DCHS2: variants seen among roughly 807,000 people sequenced by gnomAD.
The protein encoded by DCHS2 is dachsous cadherin-related 2.
A neutral mutation model predicts 182.4 loss-of-function variants in DCHS2; 142 were observed. The observed-to-expected ratio is 0.78, with a 90% CI of 0.68 to 0.89. DCHS2 has a LOEUF of 0.89. Ranked by LOEUF, DCHS2 falls within the 40% of genes least tolerant of loss-of-function variation. The pLI is 0.00. For missense variants in DCHS2, 4,319 were observed against 4,198.6 expected (o/e 1.03, Z -0.79); for synonymous variants, 1,740 against 1,663.3 (o/e 1.05, Z -1.12).
intron 3 of DCHS2, among the ~76,000 whole-genome samples, chr4:154,364,566 A>G (rs766090278): frequency 7.2e-5 from 11 of 152,194 alleles, no homozygotes; most frequent in Admixed American, 3.3e-4. Flanking sequence ...TCAGTGTATT[A>G]TTTTGAGCAA....
chr4:154,358,282 TG>T (rs1306602392), intron 3 of DCHS2, among the ~76,000 whole-genome samples: 7 of 152,214 alleles, frequency 4.6e-5, no homozygotes, highest in Admixed American at 3.3e-4. Flanking sequence ...TGAGCTATCC[TG>T]CAAGGTTGTG....
chr4:154,484,092 A>G (rs541466444), intron 1 of DCHS2, among the ~76,000 whole-genome samples: 8 of 152,180 alleles, frequency 5.3e-5, no homozygotes, highest in Admixed American at 4.6e-4. Flanking sequence ...TATTCTTCCC[A>G]CTAATCCAGA....
chr4:154,307,336 C>A (rs1432172189), intron 10 of DCHS2, among the ~76,000 whole-genome samples: 1 of 152,168 alleles, frequency 6.6e-6, no homozygotes, highest in Non-Finnish European at 1.5e-5. Flanking sequence ...CCTTATGACA[C>A]ATGCCCACTA....
intron 14 of DCHS2, among the ~76,000 whole-genome samples, chr4:154,263,189 C>T (rs1421017369): frequency 6.6e-6 from 1 of 151,982 alleles, no homozygotes; most frequent in East Asian, 1.9e-4. Flanking sequence ...AAAATACATA[C>T]ATTCAGAAAA....
intron 1 of DCHS2, among the ~76,000 whole-genome samples, chr4:154,447,006 T>C (rs1441764108): frequency 6.6e-6 from 1 of 151,800 alleles, no homozygotes; most frequent in African/African-American, 2.4e-5. Flanking sequence ...ACTAGGGAAA[T>C]CTGGGCCATG....
rs1424281692 is a variant in DCHS2, at chr4:154,490,798, G to A, written c.558C>T (p.Phe186=). Residue 186 remains phenylalanine, a synonymous_variant, in exon 1 of 20, where the codon TTC becomes TTT. Transcript: ENST00000357232. The part of the protein sequence containing the change: ...VSELSPPGTA[F]RLPVAHDPDA... ...CCGGATCGTGGGCAACTGGCAGGCG[G>A]AAGGCGGTCCCTGGCGGGCTGAGCT... The A allele has an allele frequency of 5.8e-6, 9 of 1,551,462 alleles. No homozygotes were observed. The African/African-American group carries it at 6.8e-5, about 12-fold the overall frequency.
At chr4:154,456,618 C>T (rs867702503) in intron 1 of DCHS2, among the ~76,000 whole-genome samples, 29 of 152,210 alleles carry the variant, frequency 1.9e-4, no homozygotes, top group Middle Eastern at 6.8e-3. Context: ...GAGGGAATTA[C>T]AGGCACAAAA....
At chr4:154,309,058 T>C (rs181415526) in intron 10 of DCHS2, among the ~76,000 whole-genome samples, 11 of 152,342 alleles carry the variant, frequency 7.2e-5, no homozygotes, top group African/African-American at 2.6e-4. Flanking sequence ...CCTCTTTTCA[T>C]GGACTTGCTC....
At position 154,235,468 on chromosome 4, in the gene DCHS2, C is replaced by T; in HGVS notation, c.9184G>A (p.Val3062Met). 4 of 1,614,052 alleles carry T rather than the reference C, an allele frequency of 2.5e-6. No homozygotes were observed. Among genetic ancestry groups the T allele is most frequent in the Non-Finnish European group, 3.4e-6 (4 of 1,179,960 alleles). The change falls in exon 20 of 20, where the codon GTG becomes ATG. Residue 3062 changes from valine (V) to methionine (M), a missense_variant. Val to Met is a conservative substitution (Grantham distance 21). Coordinates refer to ENST00000357232, the MANE Select transcript of DCHS2 (RefSeq NM_001358235.2). Reference sequence around the variant, plus strand: ...TCCGGAGTGGCATCCACAGGGACCACCTCGTTACTGCAGTCGTCAGTTTTC... The same window carrying T: ...TCCGGAGTGGCATCCACAGGGACCATCTCGTTACTGCAGTCGTCAGTTTTC... ...FQKTDDCSNE[V>M]VPVDATPEWL...
chr4:154,385,140 T>C (rs1474750023), intron 1 of DCHS2, among the ~76,000 whole-genome samples: 2 of 144,504 alleles, frequency 1.4e-5, no homozygotes, highest in Non-Finnish European at 1.5e-5. Flanking sequence ...GTTCTCATTG[T>C]TCAATTCCCA....
intron 3 of DCHS2, among the ~76,000 whole-genome samples, chr4:154,338,644 G>A (rs1405407444): frequency 1.3e-5 from 2 of 152,150 alleles, no homozygotes; most frequent in Non-Finnish European, 2.9e-5. Context: ...AATAAATCAA[G>A]AGGATGTCAT....
At chr4:154,289,005 C>G (rs975246453) in intron 13 of DCHS2, among the ~76,000 whole-genome samples, 2 of 151,894 alleles carry the variant, frequency 1.3e-5, no homozygotes, top group Admixed American at 1.3e-4. Flanking sequence ...TCTAACAATG[C>G]ATCTTAAAGA....
At position 154,366,442 on chromosome 4, in the gene DCHS2, C is replaced by T. The variant is rs1319256422; in HGVS notation, c.2245-1G>A. The T allele has an allele frequency of 6.2e-7, 1 of 1,607,304 alleles. No individual in the cohort carries two copies. The highest frequency in any genetic ancestry group is 8.5e-7 in the Non-Finnish European group (1 of 1,174,956). ...CAAAGGCTTGGGCACTTAGCCCACC[C>T]TGGTGGATGAATGAGTGGTGATTAC... On this transcript the variant is annotated splice_acceptor_variant, in intron 2 of 19. Transcript: ENST00000357232. LOFTEE classifies it high-confidence loss of function.
At chr4:154,439,719 G>A (rs1328354624) in intron 1 of DCHS2, among the ~76,000 whole-genome samples, 1 of 152,014 alleles carries the variant, frequency 6.6e-6, no homozygotes, top group African/African-American at 2.4e-5. Context: ...TTAAATCTGA[G>A]CTTTACAAAA....
chr4:154,236,926 G>T lies in DCHS2; in HGVS notation c.7726C>A (p.His2576Asn). 6.2e-7 allele frequency: 1 copy of T among 1,614,008 alleles called. No homozygotes were observed. Among genetic ancestry groups the T allele is most frequent in the Non-Finnish European group, 8.5e-7 (1 of 1,179,930 alleles). ...STLVTFSNID[H>N]DWTRENTYVE... ...TATGTGTTTTCACGGGTCCAGTCATGGTCGATGTTTGAAAATGTAACAAGC... is the reference window on the plus strand; with the variant it reads ...TATGTGTTTTCACGGGTCCAGTCATTGTCGATGTTTGAAAATGTAACAAGC... Residue 2576 changes from histidine (H) to asparagine (N), a missense_variant, in exon 20 of 20, where the codon CAT becomes AAT. His to Asn is a moderately conservative substitution (Grantham distance 68, BLOSUM62 1). Coordinates refer to ENST00000357232, the MANE Select transcript of DCHS2 (RefSeq NM_001358235.2).
intron 13 of DCHS2, among the ~76,000 whole-genome samples, chr4:154,296,836 C>T (rs897382050): frequency 6.6e-5 from 10 of 152,092 alleles, no homozygotes; most frequent in Admixed American, 4.6e-4. Flanking sequence ...TTCCGATAGG[C>T]ATCTATTTTT....
intron 1 of DCHS2, among the ~76,000 whole-genome samples, chr4:154,452,797 G>A (rs2110979942): frequency 6.6e-6 from 1 of 152,258 alleles, no homozygotes. Flanking sequence ...AGAAAAACAA[G>A]CAGTATTTGT....
chr4:154,338,592 A>G (rs1441785763), intron 3 of DCHS2, among the ~76,000 whole-genome samples: 3 of 152,206 alleles, frequency 2.0e-5, no homozygotes, highest in African/African-American at 7.2e-5. Context: ...GTTCACACTC[A>G]ATAACTCAGA....
At chr4:154,271,055 C>T (rs1733567202) in intron 13 of DCHS2, among the ~76,000 whole-genome samples, 1 of 152,072 alleles carries the variant, frequency 6.6e-6, no homozygotes. Flanking sequence ...GTTACGGGAA[C>T]AGACTAAATA....
Sources: allele counts gnomAD v4.1 joint callset (sites outside exome capture counted in the v4.1 genomes callset), GRCh38; gene constraint gnomAD v4.1.1; transcripts MANE v1.5; gene names NCBI Gene and HGNC (gene_info 2026-07-23, HGNC 2026-07-21).